The following CSMD1 variants were observed in gnomAD, a reference collection of about 807,000 sequenced individuals.
CSMD1 encodes the protein CUB and Sushi multiple domains 1.
In CSMD1, 213 loss-of-function variants were observed where a neutral mutation model predicts 417.5. That is an observed-to-expected ratio of 0.51 (90% confidence interval 0.46 to 0.57). The LOEUF is 0.57. Ranked by LOEUF, CSMD1 falls within the 20% of genes least tolerant of loss-of-function variation. CSMD1 has a pLI of 0.00. For synonymous variants in CSMD1, 2,862 were observed against 1,736.8 expected (o/e 1.65, Z -16.11); for missense variants, 6,923 against 4,529.7 (o/e 1.53, Z -15.17).
At chr8:3,816,514 G>A (rs1402137571) in intron 5 of CSMD1, among the ~76,000 whole-genome samples, 2 of 152,098 alleles carry the variant, frequency 1.3e-5, no homozygotes, top group South Asian at 2.1e-4. Flanking sequence ...CCTCATAGAT[G>A]TTTATGTATA....
chr8:3,493,353 T>C (rs531146819), intron 11 of CSMD1, among the ~76,000 whole-genome samples: 1 of 151,968 alleles, frequency 6.6e-6, no homozygotes, highest in South Asian at 2.1e-4. Flanking sequence ...TATTGTTTTT[T>C]GCTACCTCAT....
intron 3 of CSMD1, among the ~76,000 whole-genome samples, chr8:4,167,303 G>A (rs372333078): frequency 6.6e-6 from 1 of 152,148 alleles, no homozygotes; most frequent in Admixed American, 6.5e-5. Flanking sequence ...ATAACAGAAA[G>A]CATTCTTACG....
chr8:4,375,518 A>AT (rs909724303), intron 3 of CSMD1, among the ~76,000 whole-genome samples: 4 of 151,748 alleles, frequency 2.6e-5, no homozygotes, highest in East Asian at 2.0e-4. Flanking sequence ...CATCAGAAGA[A>AT]TTTTTTTTTC....
chr8:3,523,505 G>C (rs1055690949), intron 10 of CSMD1, among the ~76,000 whole-genome samples: 1 of 152,018 alleles, frequency 6.6e-6, no homozygotes, highest in Non-Finnish European at 1.5e-5. Context: ...CAGCAGAAAG[G>C]TGATCTGACG....
intron 2 of CSMD1, among the ~76,000 whole-genome samples, chr8:4,549,570 G>T (rs974439571): frequency 1.3e-5 from 2 of 151,936 alleles, no homozygotes; most frequent in Non-Finnish European, 2.9e-5. Context: ...CCCGCATTAC[G>T]TGATGCTGGC....
chr8:4,949,803 A>G (rs1585391171), intron 1 of CSMD1, among the ~76,000 whole-genome samples: 1 of 152,234 alleles, frequency 6.6e-6, no homozygotes, highest in East Asian at 1.9e-4. Context: ...ATGTACTCGA[A>G]GCAATATTGA....
At chr8:3,099,752 T>C (rs1167430611) in intron 46 of CSMD1, among the ~76,000 whole-genome samples, 3 of 152,192 alleles carry the variant, frequency 2.0e-5, no homozygotes. Context: ...ATAGCCATTC[T>C]TATTCCTTTC....
intron 5 of CSMD1, among the ~76,000 whole-genome samples, chr8:3,756,425 C>G (rs1237251746): frequency 1.3e-5 from 2 of 151,564 alleles, no homozygotes; most frequent in Non-Finnish European, 2.9e-5. Context: ...ACAAATATCA[C>G]ATACAAAAAA....
intron 12 of CSMD1, among the ~76,000 whole-genome samples, chr8:3,435,275 C>A (rs533153379): frequency 6.7e-6 from 1 of 149,480 alleles, no homozygotes; most frequent in Non-Finnish European, 1.5e-5. Flanking sequence ...TTTCACTGCA[C>A]ATATTTCACT....
chr8:3,672,003 G>A (rs7815362), intron 7 of CSMD1, among the ~76,000 whole-genome samples: 4,641 of 152,186 alleles, frequency 0.03, 106 homozygotes, highest in Non-Finnish European at 0.047. Flanking sequence ...AAATAATTGA[G>A]AACACAAAAG....
At chr8:3,828,624 C>T (rs1438414941) in intron 5 of CSMD1, among the ~76,000 whole-genome samples, 1 of 152,146 alleles carries the variant, frequency 6.6e-6, no homozygotes, top group African/African-American at 2.4e-5. Flanking sequence ...CTGTCCCAAT[C>T]CCAGTCATCG....
intron 26 of CSMD1, among the ~76,000 whole-genome samples, chr8:3,233,533 G>A (rs183397352): frequency 4.7e-4 from 72 of 152,264 alleles, no homozygotes; most frequent in African/African-American, 1.7e-3. Context: ...TGGTTTGTTC[G>A]TTTTGTTTTG....
chr8:3,590,661 T>G (rs1277699879), intron 8 of CSMD1, among the ~76,000 whole-genome samples: 2 of 152,156 alleles, frequency 1.3e-5, no homozygotes, highest in Non-Finnish European at 2.9e-5. Context: ...CTTCTCTAAT[T>G]TCAAAGCATT....
At position 3,156,089 on chromosome 8, in the gene CSMD1, T is replaced by C. The variant is rs113920643; in HGVS notation, c.5914+1808A>G. Among the ~76,000 whole-genome samples, 1,228 of 152,304 alleles carry C rather than the reference T, an allele frequency of 8.1e-3. 13 individuals are homozygous for C. The highest frequency in any genetic ancestry group is 0.013 in the Non-Finnish European group (873 of 68,020). ...CCACACCACACTACGCCGAAATGAA[T>C]TCTAAACAGAATGTGAATAGCTCCC... On this transcript the variant is annotated intron_variant, in intron 39 of 69. Coordinates refer to ENST00000635120, the MANE Select transcript of CSMD1 (RefSeq NM_033225.6).
At chr8:3,345,949 A>G (rs1388776604) in intron 22 of CSMD1, among the ~76,000 whole-genome samples, 1 of 152,196 alleles carries the variant, frequency 6.6e-6, no homozygotes, top group Non-Finnish European at 1.5e-5. Flanking sequence ...ATTTTTCCAC[A>G]TGAAGCAAGA....
At position 3,737,272 on chromosome 8, in the gene CSMD1, A is replaced by G. The variant is rs189261042; in HGVS notation, c.931+16658T>C. Among the ~76,000 whole-genome samples the G allele has an allele frequency of 4.1e-3, 624 of 152,292 alleles. 5 individuals carry two copies. Among genetic ancestry groups the G allele is most frequent in the African/African-American group, 0.014 (598 of 41,562 alleles). On this transcript the variant is annotated intron_variant, in intron 6 of 69. Transcript: ENST00000635120. ...ATTGGGAGTAATGGCCTATAAGTTT[A>G]TCTTGCTAAAGTAAATTGATGTGAC...
At chr8:4,915,464 C>A (rs147345686) in intron 1 of CSMD1, among the ~76,000 whole-genome samples, 1 of 152,192 alleles carries the variant, frequency 6.6e-6, no homozygotes, top group Non-Finnish European at 1.5e-5. Context: ...GTACAATCTT[C>A]CTTTCCTCAG....
rs145178871 is a variant in CSMD1, at chr8:4,000,152, A to T, written c.611-2042T>A. Among the ~76,000 whole-genome samples, 127 of 152,272 alleles carry T rather than the reference A, an allele frequency of 8.3e-4. No individual in the cohort carries two copies. The East Asian group carries it at 0.022, about 26-fold the overall frequency. ...TGCAAGCACACACACTTCCCTGGTC[A>T]ACTGAGAACAAGCTGCACAACTGCC... On this transcript the variant is annotated intron_variant, in intron 4 of 69. Coordinates refer to ENST00000635120, the MANE Select transcript of CSMD1 (RefSeq NM_033225.6).
intron 12 of CSMD1, among the ~76,000 whole-genome samples, chr8:3,421,747 C>A (rs1287181043): frequency 1.3e-5 from 2 of 152,190 alleles, no homozygotes; most frequent in Non-Finnish European, 2.9e-5. Flanking sequence ...AAGCAATTGT[C>A]CTGTCTCAGC....
Sources: gnomAD v4.1 joint callset for allele counts (sites outside exome capture counted in the v4.1 genomes callset) on GRCh38, gnomAD v4.1.1 for gene constraint, MANE v1.5 for transcripts, NCBI Gene and HGNC (gene_info 2026-07-23, HGNC 2026-07-21) for gene names.